Variants in SUPT3H observed in about 807,000 individuals in gnomAD.
SUPT3H encodes SPT3 homolog, SAGA and STAGA complex component, also known as transcription initiation protein SPT3 homolog.
In SUPT3H, 44 loss-of-function variants were observed where a neutral mutation model predicts 44.3. That is an observed-to-expected ratio of 0.99 (90% CI 0.78 to 1.28). The LOEUF (loss-of-function observed/expected upper bound fraction) is 1.28. Among genes scored for constraint, SUPT3H ranks in the 50% most tolerant of loss-of-function variants. The pLI is 0.00. For synonymous variants in SUPT3H, 124 were observed against 125.6 expected (o/e 0.99, Z 0.09); for missense variants, 380 against 387.1 (o/e 0.98, Z 0.15).
chr6:44,912,559 T>A (rs111400931), intron 10 of SUPT3H, among the ~76,000 whole-genome samples: 114 of 152,318 alleles, frequency 7.5e-4, no homozygotes, highest in African/African-American at 2.7e-3. Context: ...TAGGAGATAC[T>A]CTCTACACTG....
chr6:45,057,410 A>G (rs1791298632), intron 3 of SUPT3H, among the ~76,000 whole-genome samples: 1 of 152,110 alleles, frequency 6.6e-6, no homozygotes, highest in South Asian at 2.1e-4. Context: ...TTTTTTTCTT[A>G]AAAAAGAATT....
chr6:45,101,168 G>A (rs1237402894), intron 3 of SUPT3H, among the ~76,000 whole-genome samples: 1 of 152,240 alleles, frequency 6.6e-6, no homozygotes, highest in African/African-American at 2.4e-5. Flanking sequence ...GCTCACGCCT[G>A]TAATCCCAGC....
chr6:45,215,007 G>A (rs1369497174), intron 2 of SUPT3H, among the ~76,000 whole-genome samples: 1 of 152,056 alleles, frequency 6.6e-6, no homozygotes, highest in East Asian at 1.9e-4. Flanking sequence ...CTACTCCCAG[G>A]AAAGCTGCAC....
chr6:45,366,233 G>A (rs1044966542), intron 1 of SUPT3H, among the ~76,000 whole-genome samples: 1 of 152,198 alleles, frequency 6.6e-6, no homozygotes, highest in Non-Finnish European at 1.5e-5. Flanking sequence ...ATAAAGTAAA[G>A]CAGTGCAGAG....
At chr6:45,194,398 T>C (rs960677648) in intron 2 of SUPT3H, among the ~76,000 whole-genome samples, 2 of 152,126 alleles carry the variant, frequency 1.3e-5, no homozygotes, top group African/African-American at 2.4e-5. Context: ...TCTACAAATA[T>C]AAATTTTGTT....
intron 2 of SUPT3H, among the ~76,000 whole-genome samples, chr6:45,147,267 GA>G (rs34304501): frequency 1.3e-5 from 2 of 151,720 alleles, no homozygotes; most frequent in African/African-American, 2.4e-5. Context: ...CCTCGTTTTA[GA>G]AAAAAAGAAA....
At chr6:44,922,086 T>G (rs752321184) in intron 10 of SUPT3H, among the ~76,000 whole-genome samples, 1 of 152,196 alleles carries the variant, frequency 6.6e-6, no homozygotes, top group Non-Finnish European at 1.5e-5. Flanking sequence ...GGGCAAAAAT[T>G]AACATCTGAC....
chr6:44,886,762 T>C (rs1166257001), intron 10 of SUPT3H, among the ~76,000 whole-genome samples: 1 of 152,024 alleles, frequency 6.6e-6, no homozygotes, highest in Non-Finnish European at 1.5e-5. Context: ...AATTCACACA[T>C]AACAATATTA....
intron 2 of SUPT3H, among the ~76,000 whole-genome samples, chr6:45,299,143 C>T (rs1781742415): frequency 6.6e-6 from 1 of 151,520 alleles, no homozygotes; most frequent in Non-Finnish European, 1.5e-5. Context: ...GTCAGGAGTT[C>T]GAAACCAGTC....
chr6:45,311,387 T>C (rs761143247), intron 2 of SUPT3H, among the ~76,000 whole-genome samples: 5 of 152,098 alleles, frequency 3.3e-5, no homozygotes, highest in Non-Finnish European at 7.4e-5. Flanking sequence ...AGAAAACATA[T>C]CTGGGGGAAT....
chr6:45,237,188 A>ATC (rs1769329355), intron 2 of SUPT3H, among the ~76,000 whole-genome samples: 1 of 152,214 alleles, frequency 6.6e-6, no homozygotes, highest in Non-Finnish European at 1.5e-5. Flanking sequence ...CCTACCCGTG[A>ATC]AATAACTATT....
At chr6:45,016,762 G>C (rs1335994676) in intron 4 of SUPT3H, among the ~76,000 whole-genome samples, 1 of 151,862 alleles carries the variant, frequency 6.6e-6, no homozygotes, top group East Asian at 1.9e-4. Flanking sequence ...ATTTGGGTTG[G>C]TTCCAAGTCT....
intron 2 of SUPT3H, among the ~76,000 whole-genome samples, chr6:45,287,000 C>A (rs1248380621): frequency 6.6e-6 from 1 of 152,036 alleles, no homozygotes; most frequent in Non-Finnish European, 1.5e-5. Flanking sequence ...GGAGAAAAAA[C>A]CAAACACCAC....
intron 6 of SUPT3H, among the ~76,000 whole-genome samples, chr6:44,981,086 A>G (rs1390227099): frequency 6.6e-6 from 1 of 152,174 alleles, no homozygotes; most frequent in Non-Finnish European, 1.5e-5. Flanking sequence ...GGGATGGATC[A>G]CTGCTACTGA....
chr6:45,203,434 C>T (rs887279446), intron 2 of SUPT3H, among the ~76,000 whole-genome samples: 4 of 152,140 alleles, frequency 2.6e-5, no homozygotes, highest in Admixed American at 2.6e-4. Flanking sequence ...ACCTGTTATT[C>T]AGACTATCTC....
chr6:45,080,419 C>A (rs547290424), intron 3 of SUPT3H, among the ~76,000 whole-genome samples: 1 of 152,090 alleles, frequency 6.6e-6, no homozygotes, highest in East Asian at 1.9e-4. Flanking sequence ...ACCATATGAT[C>A]CAGATATACC....
At chr6:45,008,689 G>T (rs12196188) in intron 5 of SUPT3H, among the ~76,000 whole-genome samples, 37 of 151,898 alleles carry the variant, frequency 2.4e-4, no homozygotes, top group Middle Eastern at 3.4e-3. Context: ...TCATCCTAGT[G>T]GGTGTGGAGT....
Position 45,145,989 on chromosome 6 carries a change from TG to T in SUPT3H, c.102-39984del, listed in dbSNP as rs528878177. On this transcript the variant is annotated intron_variant, in intron 2 of 10. Transcript: ENST00000371459. ...AGATACCACCTTACTCCTGTAAGAA[TG>T]GCCATAATTTAAAAAATCAAAAAAT... Among the ~76,000 whole-genome samples the T allele has an allele frequency of 4.6e-5, 7 of 152,198 alleles. No individual in the cohort carries two copies. In the South Asian group the frequency reaches 1.5e-3, roughly 32 times the overall value.
chr6:45,141,338 CA>C (rs1162738855), intron 2 of SUPT3H, among the ~76,000 whole-genome samples: 2 of 45,284 alleles, frequency 4.4e-5, no homozygotes, highest in African/African-American at 2.1e-4. Flanking sequence ...GACTCCATCT[CA>C]AAAAAAAAAA....
Sources: gnomAD v4.1 joint callset for allele counts (sites outside exome capture counted in the v4.1 genomes callset) on GRCh38, gnomAD v4.1.1 for gene constraint, MANE v1.5 for transcripts, NCBI Gene and HGNC (gene_info 2026-07-23, HGNC 2026-07-21) for gene names.